TRIML2: variants seen among roughly 807,000 people sequenced by gnomAD.
TRIML2 encodes tripartite motif family like 2, also known as probable E3 ubiquitin-protein ligase TRIML2.
A neutral mutation model predicts 31.2 loss-of-function variants in TRIML2; 28 were observed. The observed-to-expected ratio is 0.90, with a 90% confidence interval of 0.66 to 1.23. The LOEUF is 1.23. Ranked by LOEUF, TRIML2 falls within the 50% of genes most tolerant of loss-of-function variation. The pLI is 0.00. For missense variants in TRIML2, 536 were observed against 528.3 expected, an observed-to-expected ratio of 1.01 and a Z score of -0.14; for synonymous variants, 187 against 197.5, an observed-to-expected ratio of 0.95 and a Z score of 0.45.
At chr4:188,106,738 G>A in intron 1 of TRIML2, 1 of 186,286 alleles carries the variant, frequency 5.4e-6, no homozygotes, top group Non-Finnish European at 1.1e-5. Flanking sequence ...GAAGTGGGAG[G>A]CCCCGACTGC....
Position 188,105,593 on chromosome 4 carries a change from T to TG in TRIML2, c.-222-4dup. Reference sequence around the variant, plus strand: ...AACAAATTTCTGGCAGCTGCCTGCTTGGGGAAAAGACAGAGTTAGGCCAGT... The same window carrying TG: ...AACAAATTTCTGGCAGCTGCCTGCTTGGGGGAAAAGACAGAGTTAGGCCAGT... On this transcript the variant is annotated splice_polypyrimidine_tract_variant and splice_region_variant and intron_variant, in intron 1 of 7. Coordinates refer to ENST00000682553, the MANE Select transcript of TRIML2 (RefSeq NM_173553.4). 2.4e-6 allele frequency: 1 copy of TG among 415,540 alleles called. No homozygotes were observed. The highest frequency in any genetic ancestry group is 3.2e-5 in the East Asian group (1 of 30,836). 25.7% of individuals were successfully genotyped at this position (415,540 alleles called of 1,614,324 possible). A position where few individuals can be genotyped will look rare whatever the true frequency, so the allele number is the denominator to read the frequency against.
At chr4:188,098,561 T>C (rs1733631693) in intron 5 of TRIML2, 1 of 192,208 alleles carries the variant, frequency 5.2e-6, no homozygotes, top group African/African-American at 2.3e-5. Flanking sequence ...CACAGATGAC[T>C]ATACATTTAT....
intron 5 of TRIML2, 21 bp from the exon 6 acceptor site, chr4:188,097,367 C>T (rs1322279894): frequency 6.2e-7 from 1 of 1,612,686 alleles, no homozygotes; most frequent in Non-Finnish European, 8.5e-7. Flanking sequence ...GAAAAGAGAC[C>T]AGGTTACTAC....
chr4:188,096,678 A>T (rs1733534080), intron 7 of TRIML2, among the ~76,000 whole-genome samples: 1 of 151,578 alleles, frequency 6.6e-6, no homozygotes, highest in African/African-American at 2.4e-5. Flanking sequence ...TTATTTTAAG[A>T]CAGAGTCTCA....
intron 1 of TRIML2, among the ~76,000 whole-genome samples, chr4:188,107,762 G>A (rs1306301840): frequency 2.6e-5 from 4 of 152,144 alleles, no homozygotes; most frequent in African/African-American, 9.7e-5. Flanking sequence ...CTCTCTCTCA[G>A]TTTATTCCAT....
At position 188,097,058 on chromosome 4, in the gene TRIML2, T is replaced by TA; in HGVS notation, c.745+2dup. ...CTGTGAGTATTCACATGTGTCAACT[T>TA]ACTCTGGAGTACTCTGAACATGCTG... On this transcript the variant is annotated splice_region_variant and intron_variant, in intron 7 of 7. Coordinates refer to ENST00000682553, the MANE Select transcript of TRIML2 (RefSeq NM_173553.4). 6.2e-7 allele frequency: 1 copy of TA among 1,602,120 alleles called. No homozygotes were observed. Among genetic ancestry groups the TA allele is most frequent in the Admixed American group, 1.7e-5 (1 of 59,942 alleles).
rs773488694 is a variant in TRIML2, at chr4:188,099,113, A to G, written c.543T>C (p.Ser181=). ...GCTTTAGGAGGCTGCGGACCTGTTC[A>G]GAAGCCCTGGCTTCACTCTCCTTCA... ...EKLKESEARA[S]EQVRSLLKLI... The change falls in exon 5 of 8, where the codon TCT becomes TCC. Residue 181 remains serine (S), a synonymous_variant. Transcript: ENST00000682553. 1.5e-5 allele frequency: 25 copies of G among 1,613,966 alleles called. No homozygotes were observed. The highest frequency in any genetic ancestry group is 1.6e-4 in the Middle Eastern group (1 of 6,084).
intron 7 of TRIML2, chr4:188,093,122 G>A (rs1733342302): frequency 3.6e-6 from 1 of 274,572 alleles, no homozygotes; most frequent in Non-Finnish European, 7.2e-6. Context: ...TCAGTTCACA[G>A]CTCCCTCATT....
chr4:188,103,278 G>A (rs1466029301), intron 3 of TRIML2, among the ~76,000 whole-genome samples: 1 of 152,100 alleles, frequency 6.6e-6, no homozygotes, highest in Non-Finnish European at 1.5e-5. Context: ...GGGATTACAG[G>A]CATGAGCCAC....
intron 7 of TRIML2, among the ~76,000 whole-genome samples, chr4:188,092,181 C>A (rs887148788): frequency 1.2e-4 from 18 of 152,054 alleles, no homozygotes; most frequent in African/African-American, 3.9e-4. Context: ...AAGAATAAAA[C>A]AAAGATGAAT....
chr4:188,104,834 G>A lies in TRIML2; in HGVS notation c.285+3C>T. 6.2e-7 allele frequency: 1 copy of A among 1,611,644 alleles called. No homozygotes were observed. The highest frequency in any genetic ancestry group is 8.5e-7 in the Non-Finnish European group (1 of 1,177,894). Reference sequence around the variant, plus strand: ...CCAAGAATCAAGATAAGCACTCACTGACCTGAATCATCGCCATTCTTTCTT... The same window carrying A: ...CCAAGAATCAAGATAAGCACTCACTAACCTGAATCATCGCCATTCTTTCTT... On this transcript the variant is annotated splice_donor_region_variant and intron_variant, in intron 3 of 7. Transcript: ENST00000682553.
intron 1 of TRIML2, among the ~76,000 whole-genome samples, 163 bp downstream of exon 1, chr4:188,109,080 C>T (rs1238977365): frequency 6.6e-6 from 1 of 152,008 alleles, no homozygotes; most frequent in Non-Finnish European, 1.5e-5. Context: ...ATTAAGTCCC[C>T]AGCATGTTGT....
At chr4:188,104,014 T>C (rs907753157) in intron 3 of TRIML2, among the ~76,000 whole-genome samples, 1 of 152,164 alleles carries the variant, frequency 6.6e-6, no homozygotes, top group Non-Finnish European at 1.5e-5. Context: ...AGTATGAAGA[T>C]ACAGGCTGAA....
intron 3 of TRIML2, among the ~76,000 whole-genome samples, chr4:188,101,768 G>T (rs950959297): frequency 1.3e-5 from 2 of 151,972 alleles, no homozygotes; most frequent in African/African-American, 4.8e-5. Flanking sequence ...AGGAGAAATA[G>T]AATTTGAGTC....
Position 188,091,441 on chromosome 4 carries a change from C to T in TRIML2, c.1246G>A (p.Asp416Asn), listed in dbSNP as rs757760409. 2.5e-6 allele frequency: 4 copies of T among 1,614,152 alleles called. No individual in the cohort carries two copies. The South Asian group carries it at 4.4e-5, about 18-fold the overall frequency. ...PVFSLCIPNG[D>N]TSPDSLTILQ... ...ATGGTGAGGGAGTCTGGACTTGTGT[C>T]TCCATTTGGGATACAGAGGGAAAAC... The change falls in exon 8 of 8, where the codon GAC becomes AAC. Residue 416 changes from aspartate to asparagine, a missense_variant. Transcript: ENST00000682553.
intron 3 of TRIML2, among the ~76,000 whole-genome samples, chr4:188,103,191 G>A (rs187652039): frequency 1.9e-4 from 29 of 151,670 alleles, no homozygotes; most frequent in Middle Eastern, 3.4e-3. Context: ...TAGTAGAGAC[G>A]GGGTTTCACC....
chr4:188,098,278 C>T (rs1169649200), intron 5 of TRIML2: 1 of 454,764 alleles, frequency 2.2e-6, no homozygotes, highest in Admixed American at 2.4e-5. Flanking sequence ...AAGATCAAGG[C>T]ACTGGCAGAT....
Position 188,105,208 on chromosome 4 carries a change from C to T in TRIML2, c.161G>A (p.Gly54Glu), listed in dbSNP as rs1202011469. 1.9e-6 allele frequency: 3 copies of T among 1,607,694 alleles called. No individual in the cohort carries two copies. The African/African-American group carries it at 4.0e-5, about 21-fold the overall frequency. The change falls in exon 2 of 8, where the codon GGG becomes GAG. Residue 54 changes from glycine (G) to glutamate (E), a missense_variant. Coordinates refer to ENST00000682553, the MANE Select transcript of TRIML2 (RefSeq NM_173553.4). Reference protein sequence around the residue: ...SQEHKHHMVCGIQEAAENYRK... With the variant: ...SQEHKHHMVCEIQEAAENYRK... ...GTAATTCTCAGCAGCCTCTTGTATC[C>T]CACACACCATGTGATGTTTGTGCTC...
At chr4:188,098,812 A>C in intron 5 of TRIML2, 1 of 509,284 alleles carries the variant, frequency 2.0e-6, no homozygotes, top group East Asian at 3.3e-5. Flanking sequence ...TACTGCTGAT[A>C]ATTTTAAGGT....
Sources: gnomAD v4.1 joint callset for allele counts (sites outside exome capture counted in the v4.1 genomes callset) on GRCh38, gnomAD v4.1.1 for gene constraint, MANE v1.5 for transcripts, NCBI Gene and HGNC (gene_info 2026-07-23, HGNC 2026-07-21) for gene names.